RABGAP1L: variants seen among roughly 807,000 people sequenced by gnomAD.
The protein encoded by RABGAP1L is rab GTPase-activating protein 1-like.
In RABGAP1L, 63 loss-of-function variants were observed where a neutral mutation model predicts 137.7. That is an observed-to-expected ratio of 0.46 (90% CI 0.37 to 0.56). The LOEUF is 0.56. RABGAP1L is among the 20% of genes least tolerant of loss of function. The pLI is 0.00. For missense variants in RABGAP1L, 1,095 were observed against 1,244.0 expected, an observed-to-expected ratio of 0.88 and a Z score of 1.80; for synonymous variants, 431 against 433.7, an observed-to-expected ratio of 0.99 and a Z score of 0.08.
At chr1:174,463,091 G>A (rs1458343302) in intron 13 of RABGAP1L, among the ~76,000 whole-genome samples, 2 of 152,134 alleles carry the variant, frequency 1.3e-5, no homozygotes, top group African/African-American at 4.8e-5. Context: ...AACCATTGTG[G>A]AAGTCAGTGT....
intron 13 of RABGAP1L, among the ~76,000 whole-genome samples, chr1:174,561,759 A>G (rs1667234280): frequency 6.6e-6 from 1 of 152,222 alleles, no homozygotes; most frequent in African/African-American, 2.4e-5. Context: ...TGGGGGAAAG[A>G]TTCCGTATTT....
intron 12 of RABGAP1L, among the ~76,000 whole-genome samples, chr1:174,383,943 G>A (rs1021975024): frequency 3.9e-5 from 6 of 152,246 alleles, no homozygotes; most frequent in South Asian, 2.1e-4. Context: ...TCCCACTGCT[G>A]TGTGTTTACC....
chr1:174,298,919 G>C (rs567404228), intron 10 of RABGAP1L, among the ~76,000 whole-genome samples: 1 of 152,340 alleles, frequency 6.6e-6, no homozygotes, highest in Non-Finnish European at 1.5e-5. Context: ...GCCAGAAATT[G>C]CTGGTTAGTT....
chr1:174,743,353 A>G (rs1256027394), intron 17 of RABGAP1L, among the ~76,000 whole-genome samples: 3 of 152,150 alleles, frequency 2.0e-5, no homozygotes, highest in African/African-American at 7.2e-5. Context: ...TTGTTGAGTA[A>G]GGAATCCGAT....
intron 13 of RABGAP1L, among the ~76,000 whole-genome samples, chr1:174,509,483 T>A (rs971589825): frequency 2.6e-5 from 4 of 152,112 alleles, no homozygotes; most frequent in Non-Finnish European, 4.4e-5. Context: ...GGATTTTTTT[T>A]ATGTTCTTAG....
At chr1:174,847,119 G>A (rs940500129) in intron 19 of RABGAP1L, among the ~76,000 whole-genome samples, 8 of 146,200 alleles carry the variant, frequency 5.5e-5, no homozygotes, top group African/African-American at 2.0e-4. Flanking sequence ...GCCTATGTGT[G>A]TCTCTGCACG....
At chr1:174,458,018 C>T (rs1417828097) in intron 13 of RABGAP1L, among the ~76,000 whole-genome samples, 2 of 152,082 alleles carry the variant, frequency 1.3e-5, no homozygotes, top group Admixed American at 1.3e-4. Context: ...GTGCCAGGGA[C>T]TATTCTTAAT....
At chr1:174,622,238 A>G (rs1452818031) in intron 13 of RABGAP1L, among the ~76,000 whole-genome samples, 1 of 152,168 alleles carries the variant, frequency 6.6e-6, no homozygotes, top group Admixed American at 6.5e-5. Context: ...AAATAGGAAC[A>G]CTTTTACAGT....
At chr1:174,675,058 A>G (rs901811096) in intron 14 of RABGAP1L, among the ~76,000 whole-genome samples, 27 of 151,748 alleles carry the variant, frequency 1.8e-4, no homozygotes, top group Admixed American at 1.7e-3. Context: ...CTCTGATGGT[A>G]GTTTCTTTTG....
chr1:174,199,844 A>G (rs1346862445), intron 1 of RABGAP1L, among the ~76,000 whole-genome samples: 1 of 152,154 alleles, frequency 6.6e-6, no homozygotes, highest in African/African-American at 2.4e-5. Context: ...AGTGAGGGTG[A>G]TTGAGGGAAA....
intron 19 of RABGAP1L, among the ~76,000 whole-genome samples, chr1:174,837,250 T>G (rs185128797): frequency 6.6e-6 from 1 of 152,324 alleles, no homozygotes; most frequent in East Asian, 1.9e-4. Context: ...ATTTTCTGTA[T>G]TATTCACTAT....
chr1:174,432,162 C>G (rs1652714315), intron 13 of RABGAP1L, among the ~76,000 whole-genome samples: 2 of 152,066 alleles, frequency 1.3e-5, no homozygotes, highest in African/African-American at 4.8e-5. Context: ...ATCTTTATGT[C>G]CATGAGTACC....
intron 13 of RABGAP1L, among the ~76,000 whole-genome samples, chr1:174,520,313 C>G (rs1269964838): frequency 6.6e-6 from 1 of 152,170 alleles, no homozygotes; most frequent in Admixed American, 6.5e-5. Context: ...ACTCTCTAGT[C>G]TCAAAGTAAA....
intron 12 of RABGAP1L, among the ~76,000 whole-genome samples, chr1:174,385,124 A>G (rs80203022): frequency 0.06 from 9,201 of 152,268 alleles, 968 homozygotes; most frequent in African/African-American, 0.21. Flanking sequence ...AAGCAGGCAG[A>G]TTAGGAGAAT....
At chr1:174,512,781 G>A (rs965765009) in intron 13 of RABGAP1L, among the ~76,000 whole-genome samples, 3 of 152,188 alleles carry the variant, frequency 2.0e-5, no homozygotes, top group Non-Finnish European at 4.4e-5. Flanking sequence ...CATGTTAAAT[G>A]TGTACTTTTC....
In RABGAP1L at chr1:174,683,516, C is replaced by T. The variant is rs1413263488; in HGVS notation, c.1825-6C>T. 6.3e-7 allele frequency: 1 copy of T among 1,587,198 alleles called. No homozygotes were observed. The highest frequency in any genetic ancestry group is 1.3e-5 in the African/African-American group (1 of 74,236). Reference sequence around the variant, plus strand: ...CGATATTTCTTTCTTTTCATCTTTTCTCTAGGCCTACTCTGTGTATGATGA... The same window carrying T: ...CGATATTTCTTTCTTTTCATCTTTTTTCTAGGCCTACTCTGTGTATGATGA... On this transcript the variant is annotated splice_region_variant and splice_polypyrimidine_tract_variant and intron_variant, in intron 14 of 25. Coordinates refer to ENST00000681986, the MANE Select transcript of RABGAP1L (RefSeq NM_001366446.1).
At chr1:174,781,176 A>C (rs1488901847) in intron 18 of RABGAP1L, among the ~76,000 whole-genome samples, 1 of 152,248 alleles carries the variant, frequency 6.6e-6, no homozygotes, top group Non-Finnish European at 1.5e-5. Flanking sequence ...ACTAGTTTAC[A>C]GTCCCACCAA....
At chr1:174,427,247 G>A (rs1652072627) in intron 13 of RABGAP1L, among the ~76,000 whole-genome samples, 1 of 150,912 alleles carries the variant, frequency 6.6e-6, no homozygotes. Context: ...CTGCTTAGTG[G>A]GCCAAAAATT....
intron 13 of RABGAP1L, among the ~76,000 whole-genome samples, chr1:174,587,091 T>C (rs922372391): frequency 2.0e-4 from 30 of 151,650 alleles, no homozygotes; most frequent in African/African-American, 5.8e-4. Context: ...TCATTTTTTA[T>C]GGCTGCATAG....
Sources: allele counts gnomAD v4.1 joint callset (sites outside exome capture counted in the v4.1 genomes callset), GRCh38; gene constraint gnomAD v4.1.1; transcripts MANE v1.5; gene names NCBI Gene and HGNC (gene_info 2026-07-23, HGNC 2026-07-21).